PPP2R5C: variants seen among roughly 807,000 people sequenced by gnomAD.
PPP2R5C encodes the protein protein phosphatase 2 regulatory subunit B'gamma, also known as serine/threonine-protein phosphatase 2A 56 kDa regulatory subunit gamma isoform.
Under a neutral mutation model 68.9 loss-of-function variants are expected in PPP2R5C, and 7 were observed. The ratio of observed to expected loss-of-function variants is 0.10; its 90% confidence interval spans 0.06 to 0.19. PPP2R5C has a LOEUF of 0.19. Ranked by LOEUF, PPP2R5C falls within the 10% of genes least tolerant of loss-of-function variation. The probability of loss-of-function intolerance (pLI) is 1.00; values close to 1 mark genes in which losing one functional copy is unlikely to be tolerated. For synonymous variants in PPP2R5C, 210 were observed against 222.2 expected (o/e 0.95, Z 0.49); for missense variants, 348 against 641.3 (o/e 0.54, Z 4.94).
chr14:101,808,754 G>GGTTT (rs1212257214), upstream of PPP2R5C, among the ~76,000 whole-genome samples: 1 of 152,216 alleles, frequency 6.6e-6, no homozygotes, highest in Non-Finnish European at 1.5e-5. Flanking sequence ...GAGGAGCCAT[G>GGTTT]GTTTGGACAA....
intron 3 of PPP2R5C, among the ~76,000 whole-genome samples, chr14:101,790,567 C>G (rs1039982852): frequency 6.6e-6 from 1 of 152,136 alleles, no homozygotes; most frequent in African/African-American, 2.4e-5. Context: ...TGTGTTGTTT[C>G]TTTTTAATGC....
rs116823368 is a variant in PPP2R5C, at chr14:101,833,117, G to A, written c.94+23081G>A. ...TAGTGAGAAGTCGTCAGTAGCTTCA[G>A]TTTTCAGGAGGAAAACTTTGACTTG... On this transcript the variant is annotated intron_variant, in intron 1 of 13. Transcript: ENST00000334743. Among the ~76,000 whole-genome samples, 524 of 152,346 alleles carry A rather than the reference G, an allele frequency of 3.4e-3. 4 individuals carry two copies. Among genetic ancestry groups the A allele is most frequent in the African/African-American group, 0.012 (496 of 41,576 alleles).
intron 1 of PPP2R5C, among the ~76,000 whole-genome samples, chr14:101,813,499 A>G (rs1036597750): frequency 2.0e-5 from 3 of 152,222 alleles, no homozygotes; most frequent in Non-Finnish European, 4.4e-5. Flanking sequence ...CCTTCAGTCT[A>G]GTGCCTCCTC....
At chr14:101,824,409 G>T in intron 1 of PPP2R5C, 1 of 210,744 alleles carries the variant, frequency 4.7e-6, no homozygotes, top group East Asian at 1.2e-4. Flanking sequence ...TGTTTACAAT[G>T]TAGTGAAAAA....
At chr14:101,762,781 G>T in intron 1 of PPP2R5C, 124 bp from the exon 2 acceptor site, 1 of 785,080 alleles carries the variant, frequency 1.3e-6, no homozygotes, top group Non-Finnish European at 2.1e-6. Flanking sequence ...TTTCCTAATG[G>T]TATGAATTAA....
upstream of PPP2R5C, among the ~76,000 whole-genome samples, chr14:101,808,338 C>T (rs959532481): frequency 2.0e-5 from 3 of 152,054 alleles, no homozygotes; most frequent in Non-Finnish European, 4.4e-5. Flanking sequence ...GGTGTGAGGC[C>T]GGCAGCCTGC....
At chr14:101,920,117 G>A (rs1455176642) in intron 13 of PPP2R5C, among the ~76,000 whole-genome samples, 1 of 152,190 alleles carries the variant, frequency 6.6e-6, no homozygotes, top group Non-Finnish European at 1.5e-5. Flanking sequence ...GTACCTGAAA[G>A]GTGTGTGCAT....
chr14:101,763,100 T>C, intron 2 of PPP2R5C, 130 bp downstream of exon 2: 5 of 702,212 alleles, frequency 7.1e-6, no homozygotes, highest in South Asian at 1.9e-5. Flanking sequence ...TTGTGGTGTC[T>C]TTTATAACCC....
In PPP2R5C at chr14:101,781,333, A is replaced by G. The variant is rs974609855; in HGVS notation, c.94-4685A>G. Among the ~76,000 whole-genome samples, 7 of 152,100 alleles carry G rather than the reference A, an allele frequency of 4.6e-5. No individual in the cohort carries two copies. The highest frequency in any genetic ancestry group is 7.4e-5 in the Non-Finnish European group (5 of 67,994). ...GACCTTCCCCACCCTCCGAAGCCTC[A>G]ACCCGCCCTGCGCCTCCCGGTGGCA... On this transcript the variant is annotated intron_variant, in intron 2 of 14. Transcript: ENST00000328724. This position sits in a 1 kb window ranked among gnomAD's most constrained non-coding sequence, Gnocchi z 6.4.
chr14:101,914,682 C>G (rs1349401241), intron 12 of PPP2R5C: 1 of 155,482 alleles, frequency 6.4e-6, no homozygotes, highest in African/African-American at 2.4e-5. Context: ...CGTTGGGGAC[C>G]CGGGAAGGCT....
At chr14:101,839,881 C>T (rs2041355135) in intron 1 of PPP2R5C, among the ~76,000 whole-genome samples, 1 of 151,910 alleles carries the variant, frequency 6.6e-6, no homozygotes. Flanking sequence ...CAGTGGTGCG[C>T]TCGTCCGCAC....
chr14:101,806,571 C>T (rs2039087891), upstream of PPP2R5C, among the ~76,000 whole-genome samples: 1 of 152,108 alleles, frequency 6.6e-6, no homozygotes, highest in African/African-American at 2.4e-5. Context: ...AATTTTTAGA[C>T]AATTGTTTTT....
intron 1 of PPP2R5C, chr14:101,819,634 T>G (rs2039926644): frequency 1.3e-5 from 2 of 153,336 alleles, no homozygotes; most frequent in Admixed American, 1.3e-4. Flanking sequence ...TTTGGGTTTG[T>G]TTTTGTTTGG....
chr14:101,907,069 T>C (rs1321300439), intron 10 of PPP2R5C, among the ~76,000 whole-genome samples: 1 of 152,232 alleles, frequency 6.6e-6, no homozygotes, highest in Non-Finnish European at 1.5e-5. Flanking sequence ...TTAAAGAGGA[T>C]GAATAAATCC....
intron 1 of PPP2R5C, among the ~76,000 whole-genome samples, chr14:101,811,818 T>C (rs1457618225): frequency 1.3e-5 from 2 of 152,268 alleles, no homozygotes; most frequent in Non-Finnish European, 2.9e-5. Context: ...TATGAACTTA[T>C]TCTGAAATAG....
chr14:101,785,155 G>A (rs578112487), intron 2 of PPP2R5C, among the ~76,000 whole-genome samples: 3 of 152,148 alleles, frequency 2.0e-5, no homozygotes, highest in African/African-American at 4.8e-5. Flanking sequence ...CCAGCGGAGC[G>A]TTTCCTGGGG....
chr14:101,808,305 C>G (rs2039159362), upstream of PPP2R5C, among the ~76,000 whole-genome samples: 1 of 152,084 alleles, frequency 6.6e-6, no homozygotes, highest in Non-Finnish European at 1.5e-5. Context: ...TTCTGCTGTT[C>G]AGATAGCAGC....
chr14:101,908,731 C>A (rs1384142675), intron 10 of PPP2R5C, among the ~76,000 whole-genome samples: 4 of 151,748 alleles, frequency 2.6e-5, no homozygotes, highest in Non-Finnish European at 4.4e-5. Flanking sequence ...TGGAGTGTCG[C>A]CATGTTTCTT....
chr14:101,790,583 C>G (rs1300465581), intron 3 of PPP2R5C, among the ~76,000 whole-genome samples: 5 of 152,214 alleles, frequency 3.3e-5, no homozygotes, highest in Admixed American at 3.3e-4. Context: ...AATGCCGCAT[C>G]ATATTCAGTC....
Sources: gnomAD v4.1 joint callset for allele counts (sites outside exome capture counted in the v4.1 genomes callset) on GRCh38, gnomAD v4.1.1 for gene constraint, Gnocchi (gnomAD v3.1) non-coding constraint, MANE v1.5 for transcripts, NCBI Gene and HGNC (gene_info 2026-07-23, HGNC 2026-07-21) for gene names.